EGF: variants seen among roughly 807,000 people sequenced by gnomAD.
EGF encodes the protein epidermal growth factor.
Under a neutral mutation model 143.8 loss-of-function variants are expected in EGF, and 95 were observed. That is an observed-to-expected ratio of 0.66 (90% CI 0.56 to 0.78). EGF has a LOEUF of 0.78. Ranked by LOEUF, EGF falls within the 30% of genes least tolerant of loss-of-function variation. The probability of loss-of-function intolerance (pLI) is 0.00; values close to 1 mark genes in which losing one functional copy is unlikely to be tolerated. For missense variants in EGF, 1,320 were observed against 1,470.9 expected (o/e 0.90, Z 1.68); for synonymous variants, 510 against 510.5 (o/e 1.00, Z 0.01).
intron 3 of EGF, 124 bp downstream of exon 3, chr4:109,943,559 C>CA (rs994472084): frequency 3.7e-6 from 4 of 1,084,018 alleles, no homozygotes; most frequent in Non-Finnish European, 5.4e-6. Flanking sequence ...TTGCAGCACA[C>CA]AGGCACCGTT....
intron 5 of EGF, among the ~76,000 whole-genome samples, chr4:109,950,271 A>G (rs983594413): frequency 1.4e-4 from 22 of 152,110 alleles, no homozygotes; most frequent in African/African-American, 5.3e-4. Context: ...CATCAGCCCA[A>G]TGAATGGCAT....
chr4:109,953,350 G>A (rs1362691084), intron 5 of EGF, among the ~76,000 whole-genome samples: 1 of 152,058 alleles, frequency 6.6e-6, no homozygotes, highest in Non-Finnish European at 1.5e-5. Context: ...TTTTATTAGA[G>A]GCTCAAAGCA....
At chr4:109,951,616 A>G (rs938120837) in intron 5 of EGF, among the ~76,000 whole-genome samples, 1 of 152,178 alleles carries the variant, frequency 6.6e-6, no homozygotes, top group African/African-American at 2.4e-5. Context: ...CTTTCCTTAT[A>G]ATATCTCACT....
chr4:109,944,655 A>G (rs1029642599), intron 4 of EGF, among the ~76,000 whole-genome samples: 4 of 152,236 alleles, frequency 2.6e-5, no homozygotes, highest in Admixed American at 2.6e-4. Flanking sequence ...GTTGACCATA[A>G]TTATTCTTTT....
At chr4:109,977,839 A>C (rs757253622) in intron 13 of EGF, among the ~76,000 whole-genome samples, 5 of 152,198 alleles carry the variant, frequency 3.3e-5, no homozygotes, top group African/African-American at 9.7e-5. Context: ...AACCGTCTCA[A>C]AAAATACAAA....
rs1750343019 is a variant in EGF, at chr4:109,987,750, A to T, written c.2498A>T (p.Asp833Val). 1.9e-6 allele frequency: 3 copies of T among 1,613,336 alleles called. No homozygotes were observed. The East Asian group carries it at 6.7e-5, about 36-fold the overall frequency. The part of the protein sequence containing the change: ...LVAEIMVSDQ[D>V]DCAPVGCSMY... ...GGATTCTTGCTATTTGTAGATCAAG[A>T]TGACTGTGCTCCTGTGGGATGCAGC... The change falls in exon 17 of 24, where the codon GAT (aspartate) becomes GTT (valine). Residue 833 changes from aspartate to valine, a missense_variant. Around this residue, in one of 5 missense-constraint regions of EGF, gnomAD observed 1,186 missense variants for 1,313.7 expected, o/e 0.90. Transcript: ENST00000265171.
chr4:109,951,156 TAAAA>T (rs1417880017), intron 5 of EGF, among the ~76,000 whole-genome samples: 1 of 120,768 alleles, frequency 8.3e-6, no homozygotes, highest in Non-Finnish European at 1.7e-5. Context: ...AAAAATAAAA[TAAAA>T]TAAAATAAAA....
chr4:109,954,715 AT>A (rs1744520404), intron 5 of EGF, among the ~76,000 whole-genome samples: 1 of 152,226 alleles, frequency 6.6e-6, no homozygotes, highest in South Asian at 2.1e-4. Context: ...GCATGTTTAT[AT>A]TTATGCAAAT....
chr4:109,991,524 G>T (rs1750936034), intron 18 of EGF, among the ~76,000 whole-genome samples: 1 of 152,182 alleles, frequency 6.6e-6, no homozygotes, highest in Non-Finnish European at 1.5e-5. Flanking sequence ...ATCCAGGAAT[G>T]AGTAAGGCTG....
intron 11 of EGF, 27 bp downstream of exon 11, chr4:109,969,146 T>G (rs1461716499): frequency 6.2e-7 from 1 of 1,613,880 alleles, no homozygotes. Flanking sequence ...AGTTTTAAGC[T>G]GTGTGAGATG....
At chr4:109,974,112 G>A (rs1378472076) in intron 11 of EGF, among the ~76,000 whole-genome samples, 1 of 152,178 alleles carries the variant, frequency 6.6e-6, no homozygotes, top group Non-Finnish European at 1.5e-5. Flanking sequence ...ATGATTTAAA[G>A]TGTACAGGAG....
intron 1 of EGF, among the ~76,000 whole-genome samples, chr4:109,922,896 C>T (rs2125940971): frequency 6.6e-6 from 1 of 151,680 alleles, no homozygotes; most frequent in South Asian, 2.1e-4. Flanking sequence ...GGCTATTACT[C>T]TCTACCAAAA....
Position 109,980,969 on chromosome 4 carries a change from T to A in EGF, c.2365T>A (p.Leu789Met). Residue 789 changes from leucine to methionine, a missense_variant, in exon 15 of 24, where the codon TTG becomes ATG. Leu to Met is a conservative substitution (Grantham distance 15). Around this residue, in one of 5 missense-constraint regions of EGF, gnomAD observed 1,186 missense variants for 1,313.7 expected, o/e 0.90. Coordinates refer to ENST00000265171, the MANE Select transcript of EGF (RefSeq NM_001963.6). ...TCTGGCTCTGGATGGTCATCAGCTG[T>A]TGGCAGGTAATATAATAAATTATGT... ...TCLALDGHQLLAGGEVDLKNQ... is the reference protein window; with the variant it reads ...TCLALDGHQLMAGGEVDLKNQ... 6.2e-7 allele frequency: 1 copy of A among 1,614,130 alleles called. No homozygotes were observed. Among genetic ancestry groups the A allele is most frequent in the Non-Finnish European group, 8.5e-7 (1 of 1,179,960 alleles).
chr4:109,921,851 C>T (rs957135890), intron 1 of EGF, among the ~76,000 whole-genome samples: 2 of 151,578 alleles, frequency 1.3e-5, no homozygotes, highest in Non-Finnish European at 2.9e-5. Context: ...CTTTCTTTTT[C>T]ACACACACCA....
Position 110,011,607 on chromosome 4 carries a change from C to A in EGF, c.*152C>A. The A allele has an allele frequency of 1.7e-6, 2 of 1,187,560 alleles. No individual in the cohort carries two copies. The highest frequency in any genetic ancestry group is 2.4e-6 in the Non-Finnish European group (2 of 847,458). 73.6% of individuals were successfully genotyped at this position (1,187,560 alleles called of 1,614,324 possible). On this transcript the variant is annotated 3_prime_UTR_variant, in exon 24 of 24. Coordinates refer to ENST00000265171, the MANE Select transcript of EGF (RefSeq NM_001963.6). The stretch of plus-strand genomic sequence containing the variant: ...GCCTGGAGACAGATACGTAGTTGTG[C>A]TTTTGTTTGCTCTTTTAAGCAGTCT...
chr4:110,011,201 G>T lies in EGF; in HGVS notation c.3371-1G>T, dbSNP rs1753954911. 1 of 1,613,772 alleles carries T rather than the reference G, an allele frequency of 6.2e-7. No individual in the cohort carries two copies. The highest frequency in any genetic ancestry group is 2.2e-5 in the East Asian group (1 of 44,862). ...TGAAATTTCTTTTGTCTTTCATATA[G>T]GGTCAATGCAACCAACTTCATGGAG... On this transcript the variant is annotated splice_acceptor_variant, in intron 23 of 23. Transcript: ENST00000265171. LOFTEE classifies it high-confidence loss of function.
chr4:109,938,811 A>C (rs187542497), intron 1 of EGF, among the ~76,000 whole-genome samples: 3 of 152,332 alleles, frequency 2.0e-5, no homozygotes, highest in East Asian at 3.9e-4. Context: ...CTGGAGGTCC[A>C]CTTTAGACCT....
At position 110,012,738 on chromosome 4, in the gene EGF, C is replaced by T. The variant is rs193265825; in HGVS notation, c.*1283C>T. Among the ~76,000 whole-genome samples the T allele has an allele frequency of 1.9e-4, 29 of 152,262 alleles. No homozygotes were observed. In the East Asian group the frequency reaches 5.6e-3, roughly 29 times the overall value. On this transcript the variant is annotated 3_prime_UTR_variant, in exon 24 of 24. Transcript: ENST00000265171. ...GTAACTTTTAAAAAAATTTTTTAAT[C>T]TACAACTCTGTAGATTAAAATTTCA...
At position 109,969,066 on chromosome 4, in the gene EGF, A is replaced by G. The variant is rs1747131875; in HGVS notation, c.1671A>G (p.Pro557=). 6.2e-7 allele frequency: 1 copy of G among 1,614,204 alleles called. No individual in the cohort carries two copies. Among genetic ancestry groups the G allele is most frequent in the Non-Finnish European group, 8.5e-7 (1 of 1,180,034 alleles). ...TTATTGAGGAAGGAGTAGATGTGCC[A>G]GAAGGTCTTGCTGTGGACTGGATTG... is the stretch of plus-strand genomic sequence containing the variant. ...ERLIEEGVDV[P]EGLAVDWIGR... The change falls in exon 11 of 24, where the codon CCA becomes CCG. Residue 557 remains proline, a synonymous_variant. Coordinates refer to ENST00000265171, the MANE Select transcript of EGF (RefSeq NM_001963.6).
Sources: allele counts gnomAD v4.1 joint callset (sites outside exome capture counted in the v4.1 genomes callset), GRCh38; gene constraint gnomAD v4.1.1; regional missense constraint gnomAD v4.1.1; transcripts MANE v1.5; gene names NCBI Gene and HGNC (gene_info 2026-07-23, HGNC 2026-07-21).